The following CRISPLD2 variants were observed in gnomAD, a reference collection of about 807,000 sequenced individuals.
The protein encoded by CRISPLD2 is cysteine-rich secretory protein LCCL domain-containing 2.
In CRISPLD2, 47 loss-of-function variants were observed where a neutral mutation model predicts 71.1. That is an observed-to-expected ratio of 0.66 (90% confidence interval 0.52 to 0.84). CRISPLD2 has a LOEUF of 0.84. Ranked by LOEUF, CRISPLD2 falls within the 40% of genes least tolerant of loss-of-function variation. CRISPLD2 has a pLI of 0.00. For missense variants in CRISPLD2, 830 were observed against 651.1 expected (o/e 1.27, Z -2.99); for synonymous variants, 317 against 250.1 (o/e 1.27, Z -2.52).
chr16:84,834,923 C>T (rs547659318), intron 1 of CRISPLD2, among the ~76,000 whole-genome samples: 12 of 152,144 alleles, frequency 7.9e-5, no homozygotes, highest in South Asian at 2.1e-4. Context: ...GCAAAGGCCC[C>T]GTCTCCAAAT....
At chr16:84,865,021 G>T (rs1027291000) in intron 6 of CRISPLD2, among the ~76,000 whole-genome samples, 3 of 152,206 alleles carry the variant, frequency 2.0e-5, no homozygotes, top group African/African-American at 4.8e-5. Context: ...AGGGAGTCAG[G>T]CATTTGCCCC....
At chr16:84,900,698 G>C (rs1420094865) in intron 14 of CRISPLD2, among the ~76,000 whole-genome samples, 3 of 152,038 alleles carry the variant, frequency 2.0e-5, no homozygotes, top group East Asian at 3.9e-4. Context: ...CTCACTCTCA[G>C]GCACCCTCAC....
intron 12 of CRISPLD2, among the ~76,000 whole-genome samples, chr16:84,878,366 C>T (rs1308384658): frequency 6.6e-6 from 1 of 152,210 alleles, no homozygotes; most frequent in Non-Finnish European, 1.5e-5. Context: ...CCCGGCCACA[C>T]CCCTGCACCA....
chr16:84,832,894 C>T (rs1201407316), intron 1 of CRISPLD2, among the ~76,000 whole-genome samples: 1 of 152,196 alleles, frequency 6.6e-6, no homozygotes, highest in Non-Finnish European at 1.5e-5. Flanking sequence ...AAGAGATAAC[C>T]ATCAGGGAGA....
intron 11 of CRISPLD2, among the ~76,000 whole-genome samples, chr16:84,875,144 G>C (rs1286433516): frequency 6.6e-6 from 1 of 152,140 alleles, no homozygotes; most frequent in East Asian, 1.9e-4. Context: ...CGGAGTCTGA[G>C]ATGGGAGGGT....
intron 2 of CRISPLD2, among the ~76,000 whole-genome samples, chr16:84,842,792 A>AT (rs1399099225): frequency 6.6e-6 from 1 of 152,168 alleles, no homozygotes; most frequent in African/African-American, 2.4e-5. Flanking sequence ...GTTGAGACCC[A>AT]TTGAATCCGC....
chr16:84,865,331 T>G (rs1597465939), intron 6 of CRISPLD2, among the ~76,000 whole-genome samples: 1 of 152,154 alleles, frequency 6.6e-6, no homozygotes. Context: ...AATTTTTGTA[T>G]TTTTAGTAGA....
In CRISPLD2 at chr16:84,907,078, A is replaced by G. The variant is rs2071809526; in HGVS notation, c.*436A>G. 1 of 201,130 alleles carries G rather than the reference A, an allele frequency of 5.0e-6. No individual in the cohort carries two copies. The highest frequency in any genetic ancestry group is 7.6e-5 in the South Asian group (1 of 13,148). 12.5% of individuals were successfully genotyped at this position (201,130 alleles called of 1,614,324 possible). A position where few individuals can be genotyped will look rare whatever the true frequency, so the allele number is the denominator to read the frequency against. On this transcript the variant is annotated 3_prime_UTR_variant, in exon 15 of 15. Transcript: ENST00000262424. ...GGAAGAGGCCTTTTGAGCAAGCGCC[A>G]ATGAGTTTCAGGAATGAAGTAGAAG...
At chr16:84,824,724 A>T (rs1388674030) in intron 1 of CRISPLD2, among the ~76,000 whole-genome samples, 1 of 152,242 alleles carries the variant, frequency 6.6e-6, no homozygotes, top group East Asian at 1.9e-4. Flanking sequence ...ACCAGTGATC[A>T]GGTTCTCTGC....
At chr16:84,848,685 A>G (rs1916984815) in intron 3 of CRISPLD2, among the ~76,000 whole-genome samples, 1 of 151,916 alleles carries the variant, frequency 6.6e-6, no homozygotes, top group Non-Finnish European at 1.5e-5. Flanking sequence ...AGGTGATCCT[A>G]CCGCCTCAGC....
intron 7 of CRISPLD2, among the ~76,000 whole-genome samples, chr16:84,867,334 G>A (rs1038034092): frequency 2.0e-5 from 3 of 152,238 alleles, no homozygotes; most frequent in Non-Finnish European, 4.4e-5. Flanking sequence ...GACCTGGGCT[G>A]AAGTTGGGTT....
intron 7 of CRISPLD2, among the ~76,000 whole-genome samples, chr16:84,868,580 G>T (rs1247553589): frequency 6.6e-6 from 1 of 152,216 alleles, no homozygotes; most frequent in East Asian, 1.9e-4. Flanking sequence ...GCCCTTGGAG[G>T]TGGGTACTGT....
At chr16:84,904,812 A>C (rs1204451727) in intron 14 of CRISPLD2, among the ~76,000 whole-genome samples, 1 of 152,206 alleles carries the variant, frequency 6.6e-6, no homozygotes, top group Non-Finnish European at 1.5e-5. Context: ...AATTAACTCA[A>C]AATGGATCCA....
chr16:84,838,312 CGCAT>C (rs1567681442), intron 1 of CRISPLD2, 106 bp from the exon 2 acceptor site: 41 of 697,696 alleles, frequency 5.9e-5, no homozygotes, highest in Admixed American at 1.1e-4. Flanking sequence ...CCTCAGTTTC[CGCAT>C]CTGTAAAATG....
At chr16:84,822,634 C>A (rs1286841609) in intron 1 of CRISPLD2, among the ~76,000 whole-genome samples, 2 of 152,154 alleles carry the variant, frequency 1.3e-5, no homozygotes, top group African/African-American at 4.8e-5. Context: ...AACGGGCTGA[C>A]GGCTTGTCAG....
chr16:84,849,359 C>G, intron 3 of CRISPLD2, 26 bp from the exon 4 acceptor site: 1 of 1,604,092 alleles, frequency 6.2e-7, no homozygotes, highest in Non-Finnish European at 8.5e-7. Flanking sequence ...GGGGCTGGGA[C>G]TGAGTGAGCG....
intron 2 of CRISPLD2, 70 bp from the exon 3 acceptor site, chr16:84,845,716 G>A (rs772230579): frequency 8.1e-5 from 82 of 1,012,546 alleles, no homozygotes; most frequent in Non-Finnish European, 1.2e-4. Context: ...CTGGGGCGTT[G>A]CTGTATTTAT....
At position 84,901,876 on chromosome 16, in the gene CRISPLD2, C is replaced by T. The variant is rs896309974; in HGVS notation, c.1440-4712C>T. Among the ~76,000 whole-genome samples, 4 of 143,538 alleles carry T rather than the reference C, an allele frequency of 2.8e-5. No individual in the cohort carries two copies. The East Asian group carries it at 8.3e-4, about 30-fold the overall frequency. The allele number at this position is 143,538 out of a possible 152,430, so 94.2% of individuals were successfully genotyped here. On this transcript the variant is annotated intron_variant, in intron 14 of 14. Coordinates refer to ENST00000262424, the MANE Select transcript of CRISPLD2 (RefSeq NM_031476.4). ...TGGTGTGATCTCGGCTCGTTGTAAC[C>T]TCCACCTCCTGGGTTCAAATGATTC...
At chr16:84,873,827 A>G (rs1275321997) in intron 10 of CRISPLD2, 93 bp from the exon 11 acceptor site, 2 of 1,197,684 alleles carry the variant, frequency 1.7e-6, no homozygotes, top group Non-Finnish European at 2.3e-6. Flanking sequence ...GAGACTGCAA[A>G]TAAGATAAGT....
Sources: allele counts gnomAD v4.1 joint callset (sites outside exome capture counted in the v4.1 genomes callset), GRCh38; gene constraint gnomAD v4.1.1; transcripts MANE v1.5; gene names NCBI Gene and HGNC (gene_info 2026-07-23, HGNC 2026-07-21).